The following PRKG1 variants were observed in gnomAD, a reference collection of about 807,000 sequenced individuals.
PRKG1 encodes the protein protein kinase cGMP-dependent 1.
In PRKG1, 35 loss-of-function variants were observed where a neutral mutation model predicts 88.1. The observed-to-expected ratio is 0.40, with a 90% confidence interval of 0.30 to 0.53. PRKG1 has a LOEUF of 0.53. Ranked by LOEUF, PRKG1 falls within the 20% of genes least tolerant of loss-of-function variation. The pLI, the probability that PRKG1 is intolerant of heterozygous loss-of-function variation, is 0.59. For missense variants in PRKG1, 540 were observed against 839.8 expected, an observed-to-expected ratio of 0.64 and a Z score of 4.41; for synonymous variants, 303 against 292.5, an observed-to-expected ratio of 1.04 and a Z score of -0.37.
At chr10:51,113,728 TAA>T (rs59764267) in intron 1 of PRKG1, among the ~76,000 whole-genome samples, 26 of 92,410 alleles carry the variant, frequency 2.8e-4, no homozygotes, top group African/African-American at 7.7e-4. Flanking sequence ...GCATTCTATT[TAA>T]AAAAAAAAAA....
At chr10:51,561,869 G>GT (rs201319563) in intron 3 of PRKG1, among the ~76,000 whole-genome samples, 1 of 151,706 alleles carries the variant, frequency 6.6e-6, no homozygotes, top group East Asian at 1.9e-4. Flanking sequence ...TGCAAATTAG[G>GT]TTTTTTTTCA....
intron 9 of PRKG1, among the ~76,000 whole-genome samples, chr10:52,209,995 C>T (rs947462609): frequency 1.3e-5 from 2 of 152,114 alleles, no homozygotes; most frequent in African/African-American, 2.4e-5. Context: ...CAAGTTAATG[C>T]GGTACCTTAA....
chr10:51,498,848 C>T (rs1403038630), intron 3 of PRKG1, among the ~76,000 whole-genome samples: 1 of 151,830 alleles, frequency 6.6e-6, no homozygotes, highest in East Asian at 1.9e-4. Flanking sequence ...ACTCTTTCTT[C>T]ATGTTTTTTT....
At chr10:51,265,858 G>A (rs1006353071) in intron 2 of PRKG1, among the ~76,000 whole-genome samples, 8 of 152,138 alleles carry the variant, frequency 5.3e-5, no homozygotes, top group African/African-American at 1.9e-4. Flanking sequence ...GCACATCCAG[G>A]TAAGAGAGCA....
At chr10:51,698,885 C>G (rs1841383541) in intron 3 of PRKG1, 2 of 1,613,944 alleles carry the variant, frequency 1.2e-6, no homozygotes, top group Non-Finnish European at 1.7e-6. Flanking sequence ...AGGTCCTGGG[C>G]AGAGCCCAGG....
At chr10:52,136,712 C>T (rs71490904) in intron 8 of PRKG1, among the ~76,000 whole-genome samples, 25,688 of 151,944 alleles carry the variant, frequency 0.17, 2,583 homozygotes, top group South Asian at 0.28. Flanking sequence ...GGTAAATGTC[C>T]ATGCACAGCA....
chr10:52,192,504 GTTA>G (rs1839392306), intron 9 of PRKG1, among the ~76,000 whole-genome samples: 1 of 152,080 alleles, frequency 6.6e-6, no homozygotes, highest in African/African-American at 2.4e-5. Context: ...AGCATATTAA[GTTA>G]CAAACTACAT....
chr10:51,299,556 T>C (rs1311455792), intron 2 of PRKG1: 1 of 471,636 alleles, frequency 2.1e-6, no homozygotes, highest in Non-Finnish European at 4.4e-6. Flanking sequence ...TTTCACAGCC[T>C]GTAACATATG....
chr10:51,940,109 C>A (rs1268728082), intron 5 of PRKG1, among the ~76,000 whole-genome samples: 1 of 151,880 alleles, frequency 6.6e-6, no homozygotes, highest in Non-Finnish European at 1.5e-5. Flanking sequence ...TTGCTTTTAG[C>A]TCTATTCTTT....
intron 3 of PRKG1, among the ~76,000 whole-genome samples, chr10:51,642,655 G>A (rs79973136): frequency 0.038 from 5,805 of 152,200 alleles, 160 homozygotes; most frequent in South Asian, 0.1. Context: ...TCTACTAATC[G>A]TATAGATAAT....
intron 1 of PRKG1, among the ~76,000 whole-genome samples, chr10:51,107,611 A>G (rs1844869489): frequency 6.6e-6 from 1 of 151,894 alleles, no homozygotes; most frequent in African/African-American, 2.4e-5. Flanking sequence ...CCAAGGCAGG[A>G]GGGTCACCAG....
chr10:51,777,214 A>T (rs1160339250), intron 3 of PRKG1, among the ~76,000 whole-genome samples: 2 of 152,164 alleles, frequency 1.3e-5, no homozygotes, highest in Non-Finnish European at 2.9e-5. Context: ...GGTGATTTAC[A>T]GAAATAATCT....
At chr10:51,050,248 C>T (rs943218600) in intron 1 of PRKG1, among the ~76,000 whole-genome samples, 7 of 151,884 alleles carry the variant, frequency 4.6e-5, no homozygotes, top group Non-Finnish European at 1.0e-4. Flanking sequence ...CACTATTCTG[C>T]GCCTCTAGAC....
At chr10:51,362,411 T>A (rs1842500987) in intron 2 of PRKG1, among the ~76,000 whole-genome samples, 1 of 151,816 alleles carries the variant, frequency 6.6e-6, no homozygotes, top group African/African-American at 2.4e-5. Flanking sequence ...TCTTCTTTTT[T>A]TTTGGATAGT....
chr10:51,627,513 CA>C (rs1839367679), intron 3 of PRKG1, among the ~76,000 whole-genome samples: 1 of 152,138 alleles, frequency 6.6e-6, no homozygotes, highest in Admixed American at 6.5e-5. Flanking sequence ...AATTTGGACT[CA>C]GATAGATGTA....
intron 3 of PRKG1, among the ~76,000 whole-genome samples, chr10:51,536,310 T>A (rs2132103481): frequency 6.6e-6 from 1 of 152,332 alleles, no homozygotes; most frequent in East Asian, 1.9e-4. Flanking sequence ...ACTGAATGTT[T>A]TTTTATGTTT....
Position 51,074,576 on chromosome 10 carries a change from G to T in PRKG1, c.-15G>T. On this transcript the variant is annotated 5_prime_UTR_variant, in exon 1 of 18. Coordinates refer to ENST00000373980, the MANE Select transcript of PRKG1 (RefSeq NM_006258.4). ...GAGCAGCGGCAGGAAGGAGCCCCCG[G>T]CAGCCCGGAGGAGCATGGGCACCTT... The T allele has an allele frequency of 6.3e-7, 1 of 1,598,822 alleles. No individual in the cohort carries two copies. Among genetic ancestry groups the T allele is most frequent in the Non-Finnish European group, 8.6e-7 (1 of 1,169,126 alleles).
intron 8 of PRKG1, among the ~76,000 whole-genome samples, chr10:52,157,238 T>TAC (rs1284017837): frequency 6.8e-6 from 1 of 147,626 alleles, no homozygotes; most frequent in African/African-American, 2.5e-5. Flanking sequence ...TATATATATA[T>TAC]ACATGCACAT....
chr10:51,650,960 G>A (rs754179016), intron 3 of PRKG1, among the ~76,000 whole-genome samples: 2 of 152,152 alleles, frequency 1.3e-5, no homozygotes, highest in African/African-American at 2.4e-5. Flanking sequence ...AACTGGGGGC[G>A]ATTGTACCCT....
Sources: gnomAD v4.1 joint callset for allele counts (sites outside exome capture counted in the v4.1 genomes callset) on GRCh38, gnomAD v4.1.1 for gene constraint, MANE v1.5 for transcripts, NCBI Gene and HGNC (gene_info 2026-07-23, HGNC 2026-07-21) for gene names.